OXNAD1: variants seen among roughly 807,000 people sequenced by gnomAD.
OXNAD1 encodes oxidoreductase NAD-binding domain-containing protein 1.
OXNAD1 carries 34 observed loss-of-function variants against 32.9 expected under a neutral mutation model. That is an observed-to-expected ratio of 1.03 (90% CI 0.79 to 1.38). The LOEUF (loss-of-function observed/expected upper bound fraction) is 1.38, where lower values mean the gene tolerates loss of function less well. Among genes scored for constraint, OXNAD1 ranks in the 40% most tolerant of loss-of-function variants. The pLI is 0.00. For synonymous variants in OXNAD1, 134 were observed against 135.2 expected (o/e 0.99, Z 0.06); for missense variants, 407 against 379.4 (o/e 1.07, Z -0.60).
In OXNAD1 at chr3:16,335,776, T is replaced by A. The variant is rs1195473914; in HGVS notation, c.*31-1336T>A. 8.8e-5 allele frequency among the ~76,000 whole-genome samples: 12 copies of A among 136,658 alleles called. No individual in the cohort carries two copies. Among genetic ancestry groups the A allele is most frequent in the South Asian group, 2.4e-4 (1 of 4,144 alleles). The allele number at this position is 136,658 out of a possible 152,430, so 89.7% of individuals were successfully genotyped here. A position where few individuals can be genotyped will look rare whatever the true frequency, so the allele number is the denominator to read the frequency against. On this transcript the variant is annotated intron_variant, in intron 9 of 9. Transcript: ENST00000435829. This position sits in a 1 kb window ranked among gnomAD's most constrained non-coding sequence, Gnocchi z 4.7. ...ATCCTGCACTTGCACCCTGGAACTT[T>A]AAAAAAAAAAAAAAAAAAAGGAGTT...
In OXNAD1 at chr3:16,344,963, A is replaced by G. The variant is rs755052413; in HGVS notation, c.*31-4213A>G. Among the ~76,000 whole-genome samples, 1 of 152,246 alleles carries G rather than the reference A, an allele frequency of 6.6e-6. No homozygotes were observed. ...TCTCTTCATCTGTGGCTCTCAAACT[A>G]TGCATTTTAAGCTCTTTTAGGGGGC... On this transcript the variant is annotated intron_variant, in intron 9 of 9. Transcript: ENST00000606098. This position sits in a 1 kb window ranked among gnomAD's most constrained non-coding sequence, Gnocchi z 4.4.
At chr3:16,267,660 C>G (rs558299863) in intron 1 of OXNAD1, among the ~76,000 whole-genome samples, 71 of 152,286 alleles carry the variant, frequency 4.7e-4, no homozygotes, top group African/African-American at 1.5e-3. Context: ...CCCCACCTAC[C>G]CCATCACTCT....
chr3:16,349,700 T>A (rs923764074), exon 10 of OXNAD1: 3 of 152,264 alleles, frequency 2.0e-5, no homozygotes, highest in African/African-American at 7.2e-5. Context: ...TAAGAGACTG[T>A]GAAGTTTTCT....
Position 16,286,324 on chromosome 3 carries a change from T to C in OXNAD1, c.184-18T>C, listed in dbSNP as rs887126872. The C allele has an allele frequency of 2.5e-6, 4 of 1,598,008 alleles. No homozygotes were observed. In the East Asian group the frequency reaches 6.7e-5, roughly 27 times the overall value. ...GTGTACGCACTAACCTCAGCCACAG[T>C]TCATCTTTTGGTTTTAGATTGTGTC... On this transcript the variant is annotated intron_variant, in intron 4 of 8. Coordinates refer to ENST00000285083, the MANE Select transcript of OXNAD1 (RefSeq NM_138381.5).
intron 9 of OXNAD1, among the ~76,000 whole-genome samples, chr3:16,330,542 C>T (rs764599667): frequency 6.6e-6 from 1 of 152,176 alleles, no homozygotes; most frequent in African/African-American, 2.4e-5. Context: ...GCCTGCTTAT[C>T]AAACAAAAAG....
downstream of OXNAD1, among the ~76,000 whole-genome samples, chr3:16,341,886 A>G (rs1033443879): frequency 2.0e-5 from 3 of 152,348 alleles, no homozygotes; most frequent in African/African-American, 7.2e-5. This position sits in a 1 kb window ranked among gnomAD's most constrained non-coding sequence, Gnocchi z 4.7. Flanking sequence ...ATATGCAAAT[A>G]TAGATAGAAT....
In OXNAD1 at chr3:16,271,568, A is replaced by T; in HGVS notation, c.120-91A>T. On this transcript the variant is annotated intron_variant, in intron 3 of 8. Transcript: ENST00000285083. The surrounding 1 kb of genome is among the most constrained non-coding windows in gnomAD (Gnocchi z 4.6). ...TATAGGATCTGTAATGTTACACTGT[A>T]TTTAGGATAACCATGATATTTCAGG... The T allele has an allele frequency of 1.9e-6, 2 of 1,080,474 alleles. No homozygotes were observed. The highest frequency in any genetic ancestry group is 1.6e-5 in the South Asian group (1 of 64,076). The allele number at this position is 1,080,474 out of a possible 1,614,324, so 66.9% of individuals were successfully genotyped here.
downstream of OXNAD1, among the ~76,000 whole-genome samples, chr3:16,308,293 T>A (rs1343648456): frequency 3.3e-5 from 5 of 152,112 alleles, no homozygotes; most frequent in African/African-American, 1.2e-4. The surrounding 1 kb of genome is among the most constrained non-coding windows in gnomAD (Gnocchi z 4.4). Flanking sequence ...ACTGGGTGAG[T>A]CACTGGAATG....
In OXNAD1 at chr3:16,301,484, C is replaced by T; in HGVS notation, c.433-142C>T. On this transcript the variant is annotated intron_variant, in intron 6 of 8. Transcript: ENST00000285083. This position sits in a 1 kb window ranked among gnomAD's most constrained non-coding sequence, Gnocchi z 4.1. Reference sequence around the variant, plus strand: ...GAGCAAGTGGAATCAATTCACAGGGCATCGGGAAAATTGGGAGCAAGCTAT... The same window carrying T: ...GAGCAAGTGGAATCAATTCACAGGGTATCGGGAAAATTGGGAGCAAGCTAT... The T allele has an allele frequency of 2.1e-6, 2 of 963,210 alleles. No individual in the cohort carries two copies. Among genetic ancestry groups the T allele is most frequent in the South Asian group, 3.5e-5 (2 of 57,668 alleles). The allele number at this position is 963,210 out of a possible 1,614,324, so 59.7% of individuals were successfully genotyped here.
At position 16,329,339 on chromosome 3, in the gene OXNAD1, T is replaced by G. The variant is rs2070061161; in HGVS notation, c.*31-7773T>G. Among the ~76,000 whole-genome samples, 4 of 143,556 alleles carry G rather than the reference T, an allele frequency of 2.8e-5. No individual in the cohort carries two copies. The highest frequency in any genetic ancestry group is 2.2e-4 in the South Asian group (1 of 4,446). The allele number at this position is 143,556 out of a possible 152,430, so 94.2% of individuals were successfully genotyped here. On this transcript the variant is annotated intron_variant, in intron 9 of 9. Coordinates refer to the OXNAD1 transcript ENST00000435829. This position sits in a 1 kb window ranked among gnomAD's most constrained non-coding sequence, Gnocchi z 4.5. ...CAAGTGGACCGAGACAGGGCGGAAGTGGAGAAAGGGAAAGGGAAAGAGGAA... is the reference window on the plus strand; with the variant it reads ...CAAGTGGACCGAGACAGGGCGGAAGGGGAGAAAGGGAAAGGGAAAGAGGAA...
rs2068431363 is a variant in OXNAD1 at position 16,316,740 on chromosome 3, C to T, written c.*30+13148C>T. The T allele has an allele frequency of 6.6e-7, 1 of 1,524,980 alleles. No homozygotes were observed. Among genetic ancestry groups the T allele is most frequent in the Non-Finnish European group, 9.1e-7 (1 of 1,103,716 alleles). 94.5% of individuals were successfully genotyped at this position (1,524,980 alleles called of 1,614,324 possible). On this transcript the variant is annotated intron_variant, in intron 9 of 9. Transcript: ENST00000435829. This position sits in a 1 kb window ranked among gnomAD's most constrained non-coding sequence, Gnocchi z 4.5. ...AAGCCAAAGGGTAGGTAACACACAA[C>T]ACCAGGGAAACCAGCCCCCAAACCA...
At chr3:16,272,752 CT>C (rs1336048564) in intron 4 of OXNAD1, among the ~76,000 whole-genome samples, 2 of 138,856 alleles carry the variant, frequency 1.4e-5, no homozygotes, top group Admixed American at 7.4e-5. Flanking sequence ...TCTGAAAATA[CT>C]TTTTTTTTGG....
At chr3:16,313,735 C>T (rs1015253136) in intron 9 of OXNAD1, 4 of 152,174 alleles carry the variant, frequency 2.6e-5, no homozygotes, top group Admixed American at 6.5e-5. Context: ...TTAGCATCCT[C>T]ACCAGCTCTG....
Position 16,321,147 on chromosome 3 carries a change from T to C in OXNAD1, c.*31-15965T>C, listed in dbSNP as rs1241728763. ...GCCATTCCTCTAGATAGGGTGGCGGTTGGCCAGGTGGGCGAGGTATGGGGA... is the reference window on the plus strand; with the variant it reads ...GCCATTCCTCTAGATAGGGTGGCGGCTGGCCAGGTGGGCGAGGTATGGGGA... On this transcript the variant is annotated intron_variant, in intron 9 of 9. Transcript: ENST00000435829. The surrounding 1 kb of genome is among the most constrained non-coding windows in gnomAD (Gnocchi z 4.8). 6.6e-6 allele frequency among the ~76,000 whole-genome samples: 1 copy of C among 151,938 alleles called. No individual in the cohort carries two copies. The highest frequency in any genetic ancestry group is 1.5e-5 in the Non-Finnish European group (1 of 67,966).
chr3:16,276,254 T>C, intron 4 of OXNAD1: 1 of 242,452 alleles, frequency 4.1e-6, no homozygotes, highest in Non-Finnish European at 8.1e-6. Context: ...AACTATATTT[T>C]TCTTTGCCTC....
chr3:16,306,567 C>T (rs2067576551), downstream of OXNAD1, among the ~76,000 whole-genome samples: 1 of 152,030 alleles, frequency 6.6e-6, no homozygotes, highest in African/African-American at 2.4e-5. Flanking sequence ...ATTAATGGCA[C>T]ACTCCTTACA....
intron 4 of OXNAD1, among the ~76,000 whole-genome samples, chr3:16,283,707 T>C (rs2065900255): frequency 1.3e-5 from 2 of 151,816 alleles, no homozygotes; most frequent in Admixed American, 6.6e-5. Context: ...CCTGGAGTGG[T>C]AGAGGCAGTA....
rs571993748 is a variant in OXNAD1 at position 16,267,462 on chromosome 3, T to C, written c.-158-1664T>C. Reference sequence around the variant, plus strand: ...TCATCTCATTTCACTCTTACCAGCTTACTGCTCTCCAGTCACACTGGCCTT... The same window carrying C: ...TCATCTCATTTCACTCTTACCAGCTCACTGCTCTCCAGTCACACTGGCCTT... On this transcript the variant is annotated intron_variant, in intron 1 of 8. Coordinates refer to ENST00000285083, the MANE Select transcript of OXNAD1 (RefSeq NM_138381.5). Among the ~76,000 whole-genome samples, 336 of 152,332 alleles carry C rather than the reference T, an allele frequency of 2.2e-3. 2 individuals are homozygous for C. The highest frequency in any genetic ancestry group is 7.5e-3 in the African/African-American group (313 of 41,576).
chr3:16,332,733 G>A (rs1475931874), intron 9 of OXNAD1, among the ~76,000 whole-genome samples: 1 of 152,140 alleles, frequency 6.6e-6, no homozygotes, highest in Non-Finnish European at 1.5e-5. Flanking sequence ...TGCTAAATTA[G>A]TTAGATTCCT....
Sources: allele counts gnomAD v4.1 joint callset (sites outside exome capture counted in the v4.1 genomes callset), GRCh38; gene constraint gnomAD v4.1.1; non-coding constraint Gnocchi (gnomAD v3.1); transcripts MANE v1.5; gene names NCBI Gene and HGNC (gene_info 2026-07-23, HGNC 2026-07-21).